Variants in FBXO3 observed in about 807,000 individuals in gnomAD.
FBXO3 encodes the protein F-box only protein 3.
A neutral mutation model predicts 64.8 loss-of-function variants in FBXO3; 17 were observed. The observed-to-expected ratio is 0.26, with a 90% CI of 0.18 to 0.39. The LOEUF is 0.39. Ranked by LOEUF, FBXO3 falls within the 10% of genes least tolerant of loss-of-function variation. The pLI is 1.00. For synonymous variants in FBXO3, 182 were observed against 201.6 expected (o/e 0.90, Z 0.82); for missense variants, 420 against 589.9 (o/e 0.71, Z 2.98).
chr11:33,743,967 G>A lies in FBXO3; in HGVS notation c.1240-1883C>T, dbSNP rs1854750132. 6.6e-6 allele frequency: 1 copy of A among 152,176 alleles called. No individual in the cohort carries two copies. Among genetic ancestry groups the A allele is most frequent in the Non-Finnish European group, 1.5e-5 (1 of 68,044 alleles). 9.4% of individuals were successfully genotyped at this position (152,176 alleles called of 1,614,324 possible). A position where few individuals can be genotyped will look rare whatever the true frequency, so the allele number is the denominator to read the frequency against. On this transcript the variant is annotated intron_variant, in intron 10 of 10. Transcript: ENST00000265651. This position sits in a 1 kb window ranked among gnomAD's most constrained non-coding sequence, Gnocchi z 4.6. ...ATTTGATTATATTGTTAATCACAGT[G>A]CTCAATAAATAGTTGTTGTACAAGC...
intron 4 of FBXO3, 98 bp from the exon 5 acceptor site, chr11:33,756,073 T>A (rs1448897476): frequency 2.3e-6 from 2 of 877,220 alleles, no homozygotes; most frequent in South Asian, 1.5e-5. Context: ...CACAACTTTA[T>A]AAGTACTAAT....
chr11:33,767,289 GT>G (rs576791003), intron 3 of FBXO3, among the ~76,000 whole-genome samples: 15 of 149,170 alleles, frequency 1.0e-4, no homozygotes, highest in Admixed American at 2.0e-4. Flanking sequence ...AAACAACTTA[GT>G]TTTTTTTTTG....
chr11:33,757,472 A>T (rs12146621), intron 4 of FBXO3, among the ~76,000 whole-genome samples: 42,755 of 130,452 alleles, frequency 0.33, 7,026 homozygotes, highest in Middle Eastern at 0.51. Context: ...ATAATAATAA[A>T]AAAATAAAAA....
At chr11:33,763,627 A>C (rs1045788712) in intron 3 of FBXO3, among the ~76,000 whole-genome samples, 7 of 18,014 alleles carry the variant, frequency 3.9e-4, no homozygotes, top group African/African-American at 1.2e-3. Context: ...GAATATCTAC[A>C]AAAAAAAAAA....
intron 5 of FBXO3, among the ~76,000 whole-genome samples, chr11:33,754,880 T>TC (rs1855054177): frequency 6.6e-6 from 1 of 151,802 alleles, no homozygotes; most frequent in Admixed American, 6.6e-5. Context: ...TTTTTTTTTT[T>TC]TTTGAGAGGG....
chr11:33,750,485 C>G, intron 8 of FBXO3, 54 bp downstream of exon 8: 2 of 1,593,500 alleles, frequency 1.3e-6, no homozygotes, highest in Non-Finnish European at 1.7e-6. Flanking sequence ...AGCAACATGT[C>G]CATTGGATAT....
intron 2 of FBXO3, 152 bp downstream of exon 2, chr11:33,770,589 C>T: frequency 3.3e-6 from 2 of 612,518 alleles, no homozygotes; most frequent in Non-Finnish European, 5.9e-6. Context: ...AAGGACAGAA[C>T]CTTGGCAAAT....
At position 33,746,804 on chromosome 11, in the gene FBXO3, C is replaced by T. The variant is rs1018659626; in HGVS notation, c.1239+326G>A. 1.7e-5 allele frequency: 24 copies of T among 1,406,090 alleles called. No individual in the cohort carries two copies. The African/African-American group carries it at 3.3e-4, about 20-fold the overall frequency. The allele number at this position is 1,406,090 out of a possible 1,614,324, so 87.1% of individuals were successfully genotyped here. On this transcript the variant is annotated intron_variant, in intron 10 of 10. Transcript: ENST00000265651. ...TTTGACATTAAATTGGAAGTTTGAG[C>T]AAAAACACTGTAAGAAGTTGTTTTC...
intron 1 of FBXO3, chr11:33,772,363 T>A (rs1855530801): frequency 6.6e-6 from 1 of 152,192 alleles, no homozygotes; most frequent in African/African-American, 2.4e-5. Flanking sequence ...GTCACTTCTG[T>A]TTAAAATTGT....
intron 3 of FBXO3, among the ~76,000 whole-genome samples, chr11:33,759,040 A>T (rs1465085613): frequency 2.6e-5 from 4 of 152,194 alleles, no homozygotes; most frequent in Non-Finnish European, 5.9e-5. Context: ...ATGTGTGAGG[A>T]GGCCATTAAC....
chr11:33,757,676 A>AAAAAAAAAAAAAAAAAAAAAAC (rs1855140179), intron 4 of FBXO3, among the ~76,000 whole-genome samples: 1 of 143,198 alleles, frequency 7.0e-6, no homozygotes, highest in Non-Finnish European at 1.5e-5. Context: ...AAAAAAAAAA[A>AAAAAAAAAAAAAAAAAAAAAAC]AAAAAGTCTG....
intron 3 of FBXO3, among the ~76,000 whole-genome samples, chr11:33,763,029 T>C (rs1162091429): frequency 1.3e-5 from 2 of 152,160 alleles, no homozygotes; most frequent in Non-Finnish European, 2.9e-5. Flanking sequence ...GACAATTTCC[T>C]AGAAAACAAC....
chr11:33,756,494 TC>T (rs549437892), intron 4 of FBXO3, among the ~76,000 whole-genome samples: 470 of 152,306 alleles, frequency 3.1e-3, no homozygotes, highest in Non-Finnish European at 4.5e-3. Context: ...ATCAAGGTAT[TC>T]CTTGATGAGA....
intron 3 of FBXO3, among the ~76,000 whole-genome samples, chr11:33,767,346 C>G (rs946696454): frequency 2.0e-5 from 3 of 152,160 alleles, no homozygotes; most frequent in Admixed American, 6.5e-5. Flanking sequence ...GTCGCCCAGG[C>G]TGGAGTGCAG....
At chr11:33,764,445 C>T (rs1855317620) in intron 3 of FBXO3, among the ~76,000 whole-genome samples, 1 of 152,040 alleles carries the variant, frequency 6.6e-6, no homozygotes, top group South Asian at 2.1e-4. Context: ...ATGAGTTGTG[C>T]ACTTACAATT....
chr11:33,762,510 T>C (rs1218319252), intron 3 of FBXO3, among the ~76,000 whole-genome samples: 2 of 152,058 alleles, frequency 1.3e-5, no homozygotes, highest in East Asian at 3.8e-4. Context: ...AAGTCCAAAA[T>C]ATTTAGAAAT....
chr11:33,753,443 C>G (rs891717220), intron 6 of FBXO3: 4 of 152,180 alleles, frequency 2.6e-5, no homozygotes, highest in African/African-American at 9.7e-5. Flanking sequence ...CTGAGTAGCA[C>G]TGCTGGACCA....
chr11:33,753,923 AG>A (rs1388778306), intron 6 of FBXO3: 1 of 152,238 alleles, frequency 6.6e-6, no homozygotes, highest in Non-Finnish European at 1.5e-5. Context: ...TACAAATTGA[AG>A]GGTTCTCAAA....
At chr11:33,747,855 T>C (rs2133594914) in intron 9 of FBXO3, among the ~76,000 whole-genome samples, 1 of 143,528 alleles carries the variant, frequency 7.0e-6, no homozygotes, top group African/African-American at 2.6e-5. Context: ...CCCTACAATG[T>C]AGAAAGTGGG....
Sources: gnomAD v4.1 joint callset for allele counts (sites outside exome capture counted in the v4.1 genomes callset) on GRCh38, gnomAD v4.1.1 for gene constraint, Gnocchi (gnomAD v3.1) non-coding constraint, MANE v1.5 for transcripts, NCBI Gene and HGNC (gene_info 2026-07-23, HGNC 2026-07-21) for gene names.